The following CYP4X1 variants were observed in gnomAD, a reference collection of about 807,000 sequenced individuals.
CYP4X1 encodes the protein cytochrome P450 4X1.
In CYP4X1, 44 loss-of-function variants were observed where a neutral mutation model predicts 57.9. That is an observed-to-expected ratio of 0.76 (90% CI 0.60 to 0.98). The LOEUF is 0.98. CYP4X1 is among the 50% of genes least tolerant of loss of function. CYP4X1 has a pLI of 0.00. For missense variants in CYP4X1, 532 were observed against 623.9 expected, an observed-to-expected ratio of 0.85 and a Z score of 1.57; for synonymous variants, 227 against 228.6, an observed-to-expected ratio of 0.99 and a Z score of 0.06.
chr1:47,017,888 C>G, the CYP4X1 span, among the ~76,000 whole-genome samples: 1 of 152,214 alleles, frequency 6.6e-6, no homozygotes, highest in East Asian at 1.9e-4. Flanking sequence ...CAACCTTGGG[C>G]ACATGTCATC....
At chr1:46,974,579 C>T in the CYP4X1 span, among the ~76,000 whole-genome samples, 1 of 152,070 alleles carries the variant, frequency 6.6e-6, no homozygotes. Context: ...TCATAAGTCT[C>T]TAAGGTCTTA....
downstream of CYP4X1, among the ~76,000 whole-genome samples, chr1:47,054,829 TG>T (rs1233741519): frequency 4.6e-5 from 7 of 152,320 alleles, no homozygotes; most frequent in Non-Finnish European, 8.8e-5. Flanking sequence ...GCTGAGACGA[TG>T]GGGTTTTCTC....
intron 8 of CYP4X1, among the ~76,000 whole-genome samples, chr1:47,040,144 A>T (rs1207130085): frequency 6.6e-6 from 1 of 152,132 alleles, no homozygotes; most frequent in Non-Finnish European, 1.5e-5. Flanking sequence ...ACAGACCTCC[A>T]AATTGCAGTG....
chr1:47,027,324 A>G (rs146503687), intron 1 of CYP4X1, among the ~76,000 whole-genome samples: 31 of 152,258 alleles, frequency 2.0e-4, no homozygotes, highest in African/African-American at 7.5e-4. Flanking sequence ...TCTAGTATCT[A>G]AGGCTCAAAA....
the CYP4X1 span, among the ~76,000 whole-genome samples, chr1:46,970,891 T>C: frequency 6.6e-6 from 1 of 152,216 alleles, no homozygotes. Flanking sequence ...GTTTTTTAAT[T>C]CTTTCTTTTT....
At chr1:46,992,929 T>C in the CYP4X1 span, among the ~76,000 whole-genome samples, 1 of 152,174 alleles carries the variant, frequency 6.6e-6, no homozygotes, top group African/African-American at 2.4e-5. Flanking sequence ...AAAATAATTA[T>C]AGACTTCCTT....
At chr1:47,015,998 C>T in the CYP4X1 span, among the ~76,000 whole-genome samples, 1 of 152,050 alleles carries the variant, frequency 6.6e-6, no homozygotes, top group Non-Finnish European at 1.5e-5. Context: ...TCTACCTTCC[C>T]ACCCTCTAGC....
the CYP4X1 span, among the ~76,000 whole-genome samples, chr1:46,979,510 C>T: frequency 1.3e-5 from 2 of 151,990 alleles, no homozygotes; most frequent in East Asian, 1.9e-4. Flanking sequence ...AAAGAGTCCA[C>T]AACCAGACAG....
the CYP4X1 span, among the ~76,000 whole-genome samples, chr1:46,999,859 G>C: frequency 6.6e-6 from 1 of 151,542 alleles, no homozygotes; most frequent in African/African-American, 2.4e-5. Context: ...TATCTCTTTG[G>C]TGACAAGGGA....
At chr1:47,000,012 A>G in the CYP4X1 span, among the ~76,000 whole-genome samples, 1 of 152,074 alleles carries the variant, frequency 6.6e-6, no homozygotes, top group East Asian at 1.9e-4. Flanking sequence ...CCGGGGTGGA[A>G]TGATGTGGTT....
chr1:46,990,082 C>T, the CYP4X1 span, among the ~76,000 whole-genome samples: 2 of 152,208 alleles, frequency 1.3e-5, no homozygotes, highest in South Asian at 4.2e-4. Context: ...TTCTGCACAG[C>T]AAAAGAAACT....
At chr1:47,041,973 G>T (rs1439604112) in intron 8 of CYP4X1, among the ~76,000 whole-genome samples, 2 of 151,902 alleles carry the variant, frequency 1.3e-5, no homozygotes, top group African/African-American at 4.8e-5. Context: ...TGAGATAAAG[G>T]TCCACTTTTA....
the CYP4X1 span, among the ~76,000 whole-genome samples, chr1:46,982,639 T>C: frequency 2.0e-5 from 3 of 152,306 alleles, no homozygotes; most frequent in East Asian, 5.8e-4. Context: ...TAAGAAAGTA[T>C]ATTTGGTGTT....
rs375886524 is a variant in CYP4X1, at chr1:47,023,704, G to T, written c.-114G>T. ...CTTCTTCCCGCGAGTCAGAAGCTTC[G>T]CGAGGGCCCAGAGAGGCGGTGGGGT... On this transcript the variant is annotated 5_prime_UTR_variant, in exon 1 of 12. Transcript: ENST00000371901. 43 of 1,450,556 alleles carry T rather than the reference G, an allele frequency of 3.0e-5. No individual in the cohort carries two copies. The Admixed American group carries it at 1.1e-3, about 36-fold the overall frequency. 89.9% of individuals were successfully genotyped at this position (1,450,556 alleles called of 1,614,324 possible).
At chr1:47,044,411 A>G (rs985820836) in intron 8 of CYP4X1, among the ~76,000 whole-genome samples, 12 of 152,154 alleles carry the variant, frequency 7.9e-5, no homozygotes, top group African/African-American at 2.9e-4. Flanking sequence ...TGATGTCATA[A>G]TTTACCTAGT....
the CYP4X1 span, among the ~76,000 whole-genome samples, chr1:47,015,381 C>T: frequency 6.6e-6 from 1 of 152,174 alleles, no homozygotes; most frequent in Non-Finnish European, 1.5e-5. Context: ...CTCGTCAATG[C>T]CCCCAGCAAT....
chr1:46,976,479 T>G, the CYP4X1 span, among the ~76,000 whole-genome samples: 1 of 152,148 alleles, frequency 6.6e-6, no homozygotes, highest in Non-Finnish European at 1.5e-5. Context: ...CGCAGCTCAA[T>G]GAGGCCTGCC....
chr1:46,976,617 G>C, the CYP4X1 span, among the ~76,000 whole-genome samples: 25 of 152,136 alleles, frequency 1.6e-4, no homozygotes, highest in Admixed American at 1.6e-3. Flanking sequence ...CATGGTGTTT[G>C]AGCTCTGAGA....
At chr1:47,035,764 C>G in intron 4 of CYP4X1, 42 bp from the exon 5 acceptor site, 2 of 1,583,900 alleles carry the variant, frequency 1.3e-6, no homozygotes, top group Non-Finnish European at 1.7e-6. Flanking sequence ...GCAATTTGGT[C>G]ATGGTGGTGG....
Sources: allele counts gnomAD v4.1 joint callset (sites outside exome capture counted in the v4.1 genomes callset), GRCh38; gene constraint gnomAD v4.1.1; transcripts MANE v1.5; gene names NCBI Gene and HGNC (gene_info 2026-07-23, HGNC 2026-07-21).